Variants in FAM135A observed in about 807,000 individuals in gnomAD.
The protein encoded by FAM135A is protein FAM135A.
A neutral mutation model predicts 146.8 loss-of-function variants in FAM135A; 79 were observed. The observed-to-expected ratio is 0.54, with a 90% CI of 0.45 to 0.65. The LOEUF (loss-of-function observed/expected upper bound fraction) is 0.65, where lower values mean the gene tolerates loss of function less well. Ranked by LOEUF, FAM135A falls within the 30% of genes least tolerant of loss-of-function variation. The pLI, the probability that FAM135A is intolerant of heterozygous loss-of-function variation, is 0.00. For missense variants in FAM135A, 1,623 were observed against 1,758.2 expected (o/e 0.92, Z 1.38); for synonymous variants, 562 against 603.6 (o/e 0.93, Z 1.01).
At chr6:70,439,210 G>T (rs1050592765) in intron 4 of FAM135A, among the ~76,000 whole-genome samples, 2 of 152,146 alleles carry the variant, frequency 1.3e-5, no homozygotes, top group East Asian at 3.9e-4. Flanking sequence ...TGGGAGACAT[G>T]GACCCAGAAA....
intron 4 of FAM135A, among the ~76,000 whole-genome samples, chr6:70,434,769 TCA>T (rs1256568314): frequency 6.6e-6 from 1 of 152,202 alleles, no homozygotes; most frequent in Non-Finnish European, 1.5e-5. Context: ...TGAAATGTTA[TCA>T]GTTTGATTTG....
chr6:70,455,758 G>T (rs1203450025), intron 5 of FAM135A, among the ~76,000 whole-genome samples: 1 of 152,114 alleles, frequency 6.6e-6, no homozygotes, highest in Non-Finnish European at 1.5e-5. Flanking sequence ...ATTCCACAAG[G>T]TTAAATAGTC....
At chr6:70,529,194 A>G (rs1026431022) in intron 16 of FAM135A, among the ~76,000 whole-genome samples, 4 of 152,096 alleles carry the variant, frequency 2.6e-5, no homozygotes, top group African/African-American at 9.7e-5. Flanking sequence ...TAATTAAGTT[A>G]TAAAAATTAA....
chr6:70,493,407 A>T (rs1162541345), intron 11 of FAM135A, among the ~76,000 whole-genome samples: 1 of 152,208 alleles, frequency 6.6e-6, no homozygotes, highest in Admixed American at 6.5e-5. Flanking sequence ...TTAAATGTTT[A>T]AAAATAACAT....
intron 12 of FAM135A, among the ~76,000 whole-genome samples, chr6:70,506,578 A>G (rs1789812220): frequency 6.6e-6 from 1 of 152,278 alleles, no homozygotes; most frequent in Non-Finnish European, 1.5e-5. Flanking sequence ...TACATTATAA[A>G]GCTAAGAGGA....
chr6:70,498,905 G>A (rs945748236), intron 11 of FAM135A, among the ~76,000 whole-genome samples: 2 of 151,920 alleles, frequency 1.3e-5, no homozygotes, highest in Non-Finnish European at 2.9e-5. Flanking sequence ...TTATGTAATC[G>A]ATTTTAGAAT....
intron 12 of FAM135A, among the ~76,000 whole-genome samples, chr6:70,520,362 G>T (rs753560140): frequency 1.3e-5 from 2 of 151,882 alleles, no homozygotes; most frequent in Non-Finnish European, 2.9e-5. Context: ...TTTCAAGGTA[G>T]CATAGATATT....
At chr6:70,539,134 C>T (rs2128433495) in intron 20 of FAM135A, among the ~76,000 whole-genome samples, 1 of 152,016 alleles carries the variant, frequency 6.6e-6, no homozygotes, top group South Asian at 2.1e-4. Flanking sequence ...TTTCCAGTGT[C>T]CTTTGAAATC....
chr6:70,537,481 A>T (rs1797002711), intron 19 of FAM135A, among the ~76,000 whole-genome samples: 1 of 152,160 alleles, frequency 6.6e-6, no homozygotes, highest in East Asian at 1.9e-4. Context: ...CTACAGTTTG[A>T]AAAAGAGGAA....
intron 12 of FAM135A, among the ~76,000 whole-genome samples, chr6:70,511,033 TGACCTTGGA>T (rs1341333753): frequency 2.6e-5 from 4 of 152,074 alleles, no homozygotes; most frequent in Non-Finnish European, 5.9e-5. Context: ...TAATGACTAG[TGACCTTGGA>T]CACCTTTTCA....
rs529346722 is a variant in FAM135A at position 70,552,571 on chromosome 6, C to T, written c.4229-4179C>T. 3.9e-3 allele frequency among the ~76,000 whole-genome samples: 589 copies of T among 149,372 alleles called. 7 individuals carry two copies. The highest frequency in any genetic ancestry group is 0.014 in the African/African-American group (567 of 40,510). ...GCAACCTCCGCCTTCTGGGTTCAAG[C>T]GATTTTCCTGCCTCAGCCTACCAAG... On this transcript the variant is annotated intron_variant, in intron 20 of 21. Transcript: ENST00000418814.
At chr6:70,486,357 C>A in intron 10 of FAM135A, 1 of 863,352 alleles carries the variant, frequency 1.2e-6, no homozygotes, top group Non-Finnish European at 1.8e-6. Context: ...TGGTATGTTT[C>A]CACCATTCTG....
intron 18 of FAM135A, among the ~76,000 whole-genome samples, chr6:70,534,929 G>A (rs1172838761): frequency 6.6e-6 from 1 of 152,124 alleles, no homozygotes; most frequent in African/African-American, 2.4e-5. Context: ...TATGGGAGAA[G>A]GTTCAGGTTT....
At chr6:70,455,220 GCTCT>G (rs1282952054) in intron 5 of FAM135A, among the ~76,000 whole-genome samples, 1 of 151,976 alleles carries the variant, frequency 6.6e-6, no homozygotes, top group East Asian at 1.9e-4. Context: ...TCATGATTTG[GCTCT>G]CTGTCTGTTA....
At chr6:70,465,363 TCAG>T (rs1477906842) in intron 5 of FAM135A, among the ~76,000 whole-genome samples, 2 of 152,198 alleles carry the variant, frequency 1.3e-5, no homozygotes, top group Admixed American at 6.5e-5. Context: ...CCCTCTTTTA[TCAG>T]TTCTTCTGGA....
chr6:70,471,841 C>G (rs35457911), intron 5 of FAM135A, among the ~76,000 whole-genome samples: 114 of 152,054 alleles, frequency 7.5e-4, no homozygotes, highest in Non-Finnish European at 1.3e-3. Context: ...AGAGCAAGAA[C>G]GCTTAAAAAG....
At chr6:70,544,822 A>G (rs1403237320) in intron 20 of FAM135A, among the ~76,000 whole-genome samples, 2 of 152,110 alleles carry the variant, frequency 1.3e-5, no homozygotes, top group Non-Finnish European at 2.9e-5. Flanking sequence ...AGGCTGAGGC[A>G]GGTGGATCAC....
intron 5 of FAM135A, among the ~76,000 whole-genome samples, chr6:70,454,140 A>C (rs1777747254): frequency 6.6e-6 from 1 of 151,986 alleles, no homozygotes; most frequent in South Asian, 2.1e-4. Flanking sequence ...TTTGATTTGC[A>C]TTTTTCTGAT....
At chr6:70,453,037 C>G (rs149495687) in intron 5 of FAM135A, among the ~76,000 whole-genome samples, 1 of 152,006 alleles carries the variant, frequency 6.6e-6, no homozygotes, top group Admixed American at 6.6e-5. Flanking sequence ...AGACATGTTA[C>G]AGCAGCTTTG....
Sources: allele counts gnomAD v4.1 joint callset (sites outside exome capture counted in the v4.1 genomes callset), GRCh38; gene constraint gnomAD v4.1.1; transcripts MANE v1.5; gene names NCBI Gene and HGNC (gene_info 2026-07-23, HGNC 2026-07-21).